CCDC102B: variants seen among roughly 807,000 people sequenced by gnomAD.
The protein encoded by CCDC102B is coiled-coil domain-containing protein 102B.
In CCDC102B, 75 loss-of-function variants were observed where a neutral mutation model predicts 57.4. The observed-to-expected ratio is 1.31, with a 90% CI of 1.08 to 1.58. The LOEUF (loss-of-function observed/expected upper bound fraction) is 1.58, where lower values mean the gene tolerates loss of function less well. Ranked by LOEUF, CCDC102B falls within the 40% of genes most tolerant of loss-of-function variation. CCDC102B has a pLI of 0.00. For missense variants in CCDC102B, 636 were observed against 582.6 expected (o/e 1.09, Z -0.94); for synonymous variants, 206 against 201.9 (o/e 1.02, Z -0.17).
At chr18:69,042,886 G>A (rs1599889884) in intron 7 of CCDC102B, among the ~76,000 whole-genome samples, 2 of 152,156 alleles carry the variant, frequency 1.3e-5, no homozygotes, top group East Asian at 1.9e-4. Flanking sequence ...ACCTGTGGGT[G>A]TTTCTCATAA....
chr18:68,929,076 A>G (rs1316663902), intron 6 of CCDC102B, among the ~76,000 whole-genome samples: 1 of 151,950 alleles, frequency 6.6e-6, no homozygotes, highest in African/African-American at 2.4e-5. Flanking sequence ...TCAACTCGTC[A>G]TAGCTAAAAG....
At chr18:68,995,892 A>G (rs1027850146) in intron 6 of CCDC102B, among the ~76,000 whole-genome samples, 2 of 152,160 alleles carry the variant, frequency 1.3e-5, no homozygotes, top group Non-Finnish European at 2.9e-5. Context: ...AGCCCATGAA[A>G]GCAGCCGCAA....
At chr18:68,880,318 C>A (rs111459614) in intron 5 of CCDC102B, among the ~76,000 whole-genome samples, 1 of 152,212 alleles carries the variant, frequency 6.6e-6, no homozygotes, top group African/African-American at 2.4e-5. Flanking sequence ...CATGCCCACC[C>A]GGAACTCCAG....
chr18:68,838,790 G>T lies in CCDC102B; in HGVS notation c.691G>T (p.Gly231Cys). The change falls in exon 3 of 8, where the codon GGT (glycine) becomes TGT (cysteine). Residue 231 changes from glycine (G) to cysteine (C), a missense_variant. Physicochemically the swap from Gly to Cys is radical, Grantham distance 159 (BLOSUM62 -3). Coordinates refer to ENST00000360242, the MANE Select transcript of CCDC102B (RefSeq NM_024781.3). ...TGGTGTTGATTTATTCAACAATGGT[G>T]GTTCTGGAAACGGTGAAACGAAAAC... ...LDGVDLFNNG[G>C]SGNGETKTGL... 1 of 1,614,012 alleles carries T rather than the reference G, an allele frequency of 6.2e-7. No individual in the cohort carries two copies. The highest frequency in any genetic ancestry group is 8.5e-7 in the Non-Finnish European group (1 of 1,179,960).
chr18:68,939,089 A>G (rs2049316125), intron 6 of CCDC102B, among the ~76,000 whole-genome samples: 1 of 151,772 alleles, frequency 6.6e-6, no homozygotes, highest in African/African-American at 2.4e-5. Context: ...ATAAGAGATA[A>G]CCTATCAATT....
upstream of CCDC102B, among the ~76,000 whole-genome samples, chr18:68,795,025 T>TA (rs5825874): frequency 0.71 from 95,267 of 134,484 alleles, 34,465 homozygotes; most frequent in Non-Finnish European, 0.8. Flanking sequence ...AACTCGCCAG[T>TA]AAAAAAAAAA....
intron 2 of CCDC102B, among the ~76,000 whole-genome samples, chr18:68,785,822 C>G (rs2035187150): frequency 6.6e-6 from 1 of 151,498 alleles, no homozygotes; most frequent in African/African-American, 2.4e-5. Context: ...TGCAGAAGTT[C>G]TTTAGTTTAA....
At chr18:68,718,369 A>G (rs775171380) in intron 2 of CCDC102B, among the ~76,000 whole-genome samples, 1 of 152,214 alleles carries the variant, frequency 6.6e-6, no homozygotes, top group Non-Finnish European at 1.5e-5. Flanking sequence ...ATGGAGAACT[A>G]CGTGCAAATC....
intron 7 of CCDC102B, among the ~76,000 whole-genome samples, chr18:69,049,397 T>C (rs1036487892): frequency 6.6e-6 from 1 of 152,140 alleles, no homozygotes; most frequent in Non-Finnish European, 1.5e-5. Flanking sequence ...TAACATGCAA[T>C]TTTAATAAAT....
At chr18:68,999,456 A>C (rs1215898708) in intron 6 of CCDC102B, among the ~76,000 whole-genome samples, 2 of 151,588 alleles carry the variant, frequency 1.3e-5, no homozygotes, top group East Asian at 1.9e-4. Flanking sequence ...AAAAAAAAAA[A>C]AAAACCCAGT....
intron 7 of CCDC102B, among the ~76,000 whole-genome samples, chr18:69,018,736 T>C (rs1568128851): frequency 6.6e-6 from 1 of 152,146 alleles, no homozygotes; most frequent in Non-Finnish European, 1.5e-5. Context: ...CTTTTCATTT[T>C]CTTTTTCTGT....
At chr18:68,735,609 C>T (rs2033090379) in intron 2 of CCDC102B, among the ~76,000 whole-genome samples, 1 of 152,066 alleles carries the variant, frequency 6.6e-6, no homozygotes, top group African/African-American at 2.4e-5. Context: ...TTTGCATATC[C>T]TGTTTGGCCC....
At chr18:68,752,050 A>G (rs913634555) in intron 2 of CCDC102B, among the ~76,000 whole-genome samples, 24 of 152,186 alleles carry the variant, frequency 1.6e-4, no homozygotes, top group Non-Finnish European at 3.1e-4. Flanking sequence ...TCACGAGGTC[A>G]GGAGTTTGAG....
At chr18:68,879,733 C>T (rs952465765) in intron 5 of CCDC102B, among the ~76,000 whole-genome samples, 2 of 152,134 alleles carry the variant, frequency 1.3e-5, no homozygotes, top group South Asian at 4.2e-4. Flanking sequence ...CATAAAGGTT[C>T]TCCAAGGCCC....
intron 2 of CCDC102B, among the ~76,000 whole-genome samples, chr18:68,739,012 T>TTTTTTTTTTTTTTTTTG (rs2033269751): frequency 6.6e-6 from 1 of 151,566 alleles, no homozygotes; most frequent in African/African-American, 2.4e-5. Context: ...TTTTTTTTTT[T>TTTTTTTTTTTTTTTTTG]AGACCAGGTC....
At chr18:68,945,478 G>T (rs969423021) in intron 6 of CCDC102B, among the ~76,000 whole-genome samples, 1 of 152,018 alleles carries the variant, frequency 6.6e-6, no homozygotes, top group Non-Finnish European at 1.5e-5. Flanking sequence ...TATAAAAATA[G>T]GTTCTTACTG....
chr18:68,875,308 A>G (rs147578376), intron 5 of CCDC102B, among the ~76,000 whole-genome samples: 55 of 152,280 alleles, frequency 3.6e-4, no homozygotes, highest in African/African-American at 1.3e-3. Context: ...ATGTGTAAAC[A>G]CTGAGTGTTT....
intron 5 of CCDC102B, among the ~76,000 whole-genome samples, chr18:68,889,794 A>G (rs1453775312): frequency 6.6e-6 from 1 of 152,210 alleles, no homozygotes; most frequent in Non-Finnish European, 1.5e-5. Flanking sequence ...AGCAACCTGT[A>G]TGGACTAAAG....
chr18:68,997,783 G>A (rs2051070463), intron 6 of CCDC102B, among the ~76,000 whole-genome samples: 1 of 151,606 alleles, frequency 6.6e-6, no homozygotes, highest in South Asian at 2.1e-4. Flanking sequence ...TGTCCTTTAT[G>A]TTCTCACCGT....
Sources: allele counts gnomAD v4.1 joint callset (sites outside exome capture counted in the v4.1 genomes callset), GRCh38; gene constraint gnomAD v4.1.1; transcripts MANE v1.5; gene names NCBI Gene and HGNC (gene_info 2026-07-23, HGNC 2026-07-21).